The following FAM13B variants were observed in gnomAD, a reference collection of about 807,000 sequenced individuals.
FAM13B encodes protein FAM13B.
In FAM13B, 60 loss-of-function variants were observed where a neutral mutation model predicts 117.3. The ratio of observed to expected loss-of-function variants is 0.51; its 90% CI spans 0.42 to 0.63. The LOEUF is 0.63. FAM13B is among the 30% of genes least tolerant of loss of function. The pLI, the probability that FAM13B is intolerant of heterozygous loss-of-function variation, is 0.00. For missense variants in FAM13B, 972 were observed against 1,091.9 expected, an observed-to-expected ratio of 0.89 and a Z score of 1.55; for synonymous variants, 332 against 356.1, an observed-to-expected ratio of 0.93 and a Z score of 0.76.
In FAM13B at chr5:137,987,553, T is replaced by C; in HGVS notation, c.954A>G (p.Ile318Met). ...GTTGTAAATTCTTAAGATCATGATC[T>C]ATGCTGCTCTGAAGATCAAAAAGGT... is the stretch of plus-strand genomic sequence containing the variant. ...EQHLFDLQSS[I>M]DHDLKNLQQQ... Residue 318 changes from isoleucine to methionine, a missense_variant, in exon 9 of 24, where the codon ATA (isoleucine) becomes ATG (methionine). Coordinates refer to ENST00000689681, the MANE Select transcript of FAM13B (RefSeq NM_001385994.1). 1 of 1,613,538 alleles carries C rather than the reference T, an allele frequency of 6.2e-7. No individual in the cohort carries two copies. The highest frequency in any genetic ancestry group is 8.5e-7 in the Non-Finnish European group (1 of 1,179,698).
chr5:137,966,488 TAGAGAGAGAGAG>T lies in FAM13B; in HGVS notation c.1180-4031_1180-4020del, dbSNP rs57142324. Among the ~76,000 whole-genome samples the T allele has an allele frequency of 5.5e-3, 162 of 29,490 alleles. 1 individual carries two copies. The highest frequency in any genetic ancestry group is 0.016 in the Admixed American group (31 of 1,884). 19.3% of individuals were successfully genotyped at this position (29,490 alleles called of 152,430 possible). ...ATATATATATATATATATATATATA[TAGAGAGAGAGAG>T]AGAGAGAGAGAGAGAGAGAGAGAGG... On this transcript the variant is annotated intron_variant, in intron 10 of 23. Transcript: ENST00000689681.
intron 7 of FAM13B, among the ~76,000 whole-genome samples, chr5:138,001,098 T>C (rs930671997): frequency 2.0e-5 from 3 of 152,190 alleles, no homozygotes; most frequent in Non-Finnish European, 2.9e-5. Flanking sequence ...TAACTTTTTA[T>C]AAGGGTACTA....
upstream of FAM13B, among the ~76,000 whole-genome samples, chr5:138,035,868 C>T (rs189098905): frequency 2.5e-4 from 38 of 152,318 alleles, no homozygotes; most frequent in African/African-American, 8.7e-4. Flanking sequence ...ATGCTTAAAG[C>T]TGACTTATTT....
chr5:137,971,874 A>C, intron 10 of FAM13B, among the ~76,000 whole-genome samples: 1 of 152,230 alleles, frequency 6.6e-6, no homozygotes, highest in Non-Finnish European at 1.5e-5. Context: ...GAAATGGATA[A>C]ATTCTTCAAC....
intron 23 of FAM13B, among the ~76,000 whole-genome samples, chr5:137,941,172 T>A (rs1761674257): frequency 6.6e-6 from 1 of 152,136 alleles, no homozygotes; most frequent in East Asian, 1.9e-4. Context: ...CCTCCCAAAG[T>A]GCTGGTATTA....
At position 137,938,136 on chromosome 5, in the gene FAM13B, A is replaced by G. The variant is rs1036463620; in HGVS notation, c.*2089T>C. 1 of 152,512 alleles carries G rather than the reference A, an allele frequency of 6.6e-6. No homozygotes were observed. The highest frequency in any genetic ancestry group is 1.5e-5 in the Non-Finnish European group (1 of 68,040). 9.4% of individuals were successfully genotyped at this position (152,512 alleles called of 1,614,324 possible). On this transcript the variant is annotated 3_prime_UTR_variant, in exon 24 of 24. Transcript: ENST00000689681. Reference sequence around the variant, plus strand: ...GCCTAATTCTACCAGCTACTGCTCAACTATGACACACAATACTGTCACAGA... The same window carrying G: ...GCCTAATTCTACCAGCTACTGCTCAGCTATGACACACAATACTGTCACAGA...
At chr5:138,000,041 G>C (rs1204151457) in intron 7 of FAM13B, among the ~76,000 whole-genome samples, 3 of 152,088 alleles carry the variant, frequency 2.0e-5, no homozygotes, top group Admixed American at 6.5e-5. Context: ...TACTAAAAAA[G>C]TTTAGGGAAT....
chr5:137,962,511 T>A (rs1292721788), intron 10 of FAM13B, 42 bp from the exon 11 acceptor site: 1 of 1,547,294 alleles, frequency 6.5e-7, no homozygotes, highest in East Asian at 2.2e-5. Context: ...GAGCTCCCAA[T>A]ACTCAGATAA....
At chr5:137,960,043 A>G in intron 12 of FAM13B, 123 bp downstream of exon 12, 1 of 716,088 alleles carries the variant, frequency 1.4e-6, no homozygotes. Flanking sequence ...TTTAACTGTA[A>G]AATATTTGGT....
At chr5:138,004,242 C>T (rs1278475120) in intron 7 of FAM13B, among the ~76,000 whole-genome samples, 1 of 151,788 alleles carries the variant, frequency 6.6e-6, no homozygotes, top group Non-Finnish European at 1.5e-5. Context: ...GCACTCCAGC[C>T]TGGGCAACAG....
intron 1 of FAM13B, among the ~76,000 whole-genome samples, chr5:138,046,076 C>T (rs924854241): frequency 6.6e-6 from 1 of 152,080 alleles, no homozygotes; most frequent in Non-Finnish European, 1.5e-5. Context: ...CAAGTCTTTC[C>T]CATGCTGTTC....
intron 1 of FAM13B, among the ~76,000 whole-genome samples, chr5:138,021,421 AATTGCAAAGG>A: frequency 6.6e-6 from 1 of 152,322 alleles, no homozygotes; most frequent in African/African-American, 2.4e-5. Context: ...TAAATAAACG[AATTGCAAAGG>A]AGGATATGTG....
intron 6 of FAM13B, among the ~76,000 whole-genome samples, chr5:138,008,927 G>C (rs909485603): frequency 6.6e-6 from 1 of 152,216 alleles, no homozygotes; most frequent in African/African-American, 2.4e-5. Context: ...TGGATCACTT[G>C]AGGGCAGAAG....
At position 137,949,015 on chromosome 5, in the gene FAM13B, T is replaced by C; in HGVS notation, c.2100A>G (p.Glu700=). 1 of 1,614,014 alleles carries C rather than the reference T, an allele frequency of 6.2e-7. No homozygotes were observed. Among genetic ancestry groups the C allele is most frequent in the Non-Finnish European group, 8.5e-7 (1 of 1,180,012 alleles). The change falls in exon 18 of 24, where the codon GAA becomes GAG. Residue 700 remains glutamate, a synonymous_variant. Coordinates refer to ENST00000689681, the MANE Select transcript of FAM13B (RefSeq NM_001385994.1). ...TTTCTTTCAGTCTTTTAAGAATAAGTTCAAGGGTTGCTTCTTTAGATGGTT... is the reference window on the plus strand; with the variant it reads ...TTTCTTTCAGTCTTTTAAGAATAAGCTCAAGGGTTGCTTCTTTAGATGGTT... ...EKKPSKEATL[E]LILKRLKEKR...
intron 16 of FAM13B, 35 bp downstream of exon 16, chr5:137,953,301 G>C: frequency 6.2e-7 from 1 of 1,609,336 alleles, no homozygotes; most frequent in Non-Finnish European, 8.5e-7. Flanking sequence ...TCTAATATTA[G>C]ATTAAGCTCA....
Position 137,942,921 on chromosome 5 carries a change from T to C in FAM13B, c.2542A>G (p.Lys848Glu), listed in dbSNP as rs1025696609. Reference protein sequence around the residue: ...SESDVEENQEKLALDLRLSSS... With the variant: ...SESDVEENQEELALDLRLSSS... ...GACAATCGGAGATCCAGAGCCAGTT[T>C]TTCTTGATTTTCTTCAACATCAGAT... The change falls in exon 22 of 24, where the codon AAA (lysine) becomes GAA (glutamate). Residue 848 changes from lysine (K) to glutamate (E), a missense_variant. By Grantham distance (56) the Lys-to-Glu change is moderately conservative. Transcript: ENST00000689681. 3.1e-6 allele frequency: 5 copies of C among 1,613,648 alleles called. No individual in the cohort carries two copies. The Admixed American group carries it at 6.7e-5, about 22-fold the overall frequency.
chr5:137,951,118 G>C lies in FAM13B; in HGVS notation c.1930+1510C>G, dbSNP rs567552398. ...CCAGCTACTCGGGATGCTGAGGTGGGAGGATCGCTTCAGCCCGGGAGGTGG... is the reference window on the plus strand; with the variant it reads ...CCAGCTACTCGGGATGCTGAGGTGGCAGGATCGCTTCAGCCCGGGAGGTGG... On this transcript the variant is annotated intron_variant, in intron 17 of 23. Transcript: ENST00000689681. 9.9e-5 allele frequency among the ~76,000 whole-genome samples: 15 copies of C among 150,872 alleles called. No homozygotes were observed. The South Asian group carries it at 1.7e-3, about 17-fold the overall frequency.
At chr5:138,026,986 T>TAAA (rs1385101057) in intron 1 of FAM13B, among the ~76,000 whole-genome samples, 3 of 146,466 alleles carry the variant, frequency 2.0e-5, no homozygotes, top group Admixed American at 6.8e-5. Context: ...AATAAATAAA[T>TAAA]TAGCGAAGTG....
At chr5:137,975,215 A>C (rs1773561701) in intron 10 of FAM13B, among the ~76,000 whole-genome samples, 1 of 152,084 alleles carries the variant, frequency 6.6e-6, no homozygotes, top group Non-Finnish European at 1.5e-5. Flanking sequence ...AAACTCATAC[A>C]TCCTGTCCAA....
Sources: gnomAD v4.1 joint callset for allele counts (sites outside exome capture counted in the v4.1 genomes callset) on GRCh38, gnomAD v4.1.1 for gene constraint, MANE v1.5 for transcripts, NCBI Gene and HGNC (gene_info 2026-07-23, HGNC 2026-07-21) for gene names.